The following EIF4G3 variants were observed in gnomAD, a reference collection of about 807,000 sequenced individuals.
EIF4G3 encodes eIF-4-gamma 3.
In EIF4G3, 34 loss-of-function variants were observed where a neutral mutation model predicts 186.4. The observed-to-expected ratio is 0.18, with a 90% CI of 0.14 to 0.24. The LOEUF is 0.24. Ranked by LOEUF, EIF4G3 falls within the 10% of genes least tolerant of loss-of-function variation. EIF4G3 has a pLI of 1.00. For synonymous variants in EIF4G3, 673 were observed against 679.5 expected (o/e 0.99, Z 0.15); for missense variants, 1,536 against 1,948.5 (o/e 0.79, Z 3.99).
intron 14 of EIF4G3, among the ~76,000 whole-genome samples, chr1:20,934,561 C>T (rs1006411293): frequency 1.3e-5 from 2 of 152,088 alleles, no homozygotes; most frequent in Non-Finnish European, 2.9e-5. Flanking sequence ...GAGACGAGGT[C>T]ATGTGCTGCA....
At chr1:20,979,791 A>T (rs969664859) in intron 10 of EIF4G3, among the ~76,000 whole-genome samples, 1 of 149,692 alleles carries the variant, frequency 6.7e-6, no homozygotes, top group Non-Finnish European at 1.5e-5. Flanking sequence ...TCGCTCTGTC[A>T]CCCAGGCTGA....
Position 21,024,638 on chromosome 1 carries a change from A to C in EIF4G3, c.-66-21830T>G, listed in dbSNP as rs559266110. ...ACATGTGCTGTGTCCACTCAGGGTT[A>C]AATGGATTAAGGGCGGTGCAAGATG... On this transcript the variant is annotated intron_variant, in intron 4 of 36. Transcript: ENST00000602326. Among the ~76,000 whole-genome samples the C allele has an allele frequency of 4.8e-3, 715 of 150,526 alleles. 9 individuals are homozygous for C. Among genetic ancestry groups the C allele is most frequent in the African/African-American group, 0.017 (693 of 40,910 alleles).
intron 2 of EIF4G3, among the ~76,000 whole-genome samples, chr1:21,171,539 C>G (rs1266802383): frequency 6.6e-6 from 1 of 152,196 alleles, no homozygotes; most frequent in Admixed American, 6.5e-5. Context: ...GAGCAAACTG[C>G]TGCTTTGCCT....
chr1:21,119,350 G>C (rs2096886229), intron 2 of EIF4G3, among the ~76,000 whole-genome samples: 1 of 151,838 alleles, frequency 6.6e-6, no homozygotes, highest in South Asian at 2.1e-4. Flanking sequence ...GAGAAATAAA[G>C]TAACCTATTG....
At chr1:21,159,334 G>C (rs907725915) in intron 2 of EIF4G3, among the ~76,000 whole-genome samples, 3 of 151,916 alleles carry the variant, frequency 2.0e-5, no homozygotes, top group African/African-American at 4.8e-5. Flanking sequence ...CAGCTACTTA[G>C]GAGGCTAAAA....
At chr1:21,156,266 C>T (rs890933071) in intron 2 of EIF4G3, among the ~76,000 whole-genome samples, 1 of 152,146 alleles carries the variant, frequency 6.6e-6, no homozygotes, top group African/African-American at 2.4e-5. Context: ...GGTTGTGCTG[C>T]GTTGATCCTC....
chr1:21,009,490 C>T (rs887594188), intron 4 of EIF4G3, among the ~76,000 whole-genome samples: 2 of 151,926 alleles, frequency 1.3e-5, no homozygotes, highest in South Asian at 4.1e-4. Flanking sequence ...CCCGTTCATT[C>T]TCATTAGTAG....
intron 14 of EIF4G3, among the ~76,000 whole-genome samples, chr1:20,933,428 G>A (rs575989392): frequency 7.2e-5 from 11 of 152,184 alleles, no homozygotes; most frequent in South Asian, 2.1e-4. Flanking sequence ...AGGCTGAGCC[G>A]GGTGGATCAC....
Position 21,101,148 on chromosome 1 carries a change from C to T in EIF4G3, c.-271-11935G>A, listed in dbSNP as rs111506016. Reference sequence around the variant, plus strand: ...GATCAAAGTTTAACGGTAAAAATAACTTCACAAAGTGAAAAATCATGGTTA... The same window carrying T: ...GATCAAAGTTTAACGGTAAAAATAATTTCACAAAGTGAAAAATCATGGTTA... On this transcript the variant is annotated intron_variant, in intron 2 of 36. Coordinates refer to ENST00000602326, the MANE Select transcript of EIF4G3 (RefSeq NM_001391906.1). Among the ~76,000 whole-genome samples, 480 of 152,252 alleles carry T rather than the reference C, an allele frequency of 3.2e-3. 5 individuals are homozygous for T. The highest frequency in any genetic ancestry group is 0.011 in the African/African-American group (451 of 41,570).
chr1:20,819,885 G>A (rs1278141570), intron 33 of EIF4G3, among the ~76,000 whole-genome samples: 1 of 152,134 alleles, frequency 6.6e-6, no homozygotes, highest in Non-Finnish European at 1.5e-5. Context: ...GAGTGGAGAA[G>A]GAGGAAAGAG....
intron 7 of EIF4G3, among the ~76,000 whole-genome samples, chr1:20,986,434 G>C (rs2079481497): frequency 6.6e-6 from 1 of 152,066 alleles, no homozygotes; most frequent in African/African-American, 2.4e-5. Context: ...AGCTCATATA[G>C]AGGATTTTGT....
chr1:20,898,919 G>A (rs949319313), intron 16 of EIF4G3, among the ~76,000 whole-genome samples: 7 of 152,046 alleles, frequency 4.6e-5, no homozygotes, highest in South Asian at 2.1e-4. Context: ...TAGTCGAGAC[G>A]GGGTTTCTCC....
At chr1:21,054,148 TC>T (rs1276401505) in intron 3 of EIF4G3, among the ~76,000 whole-genome samples, 1 of 151,822 alleles carries the variant, frequency 6.6e-6, no homozygotes, top group African/African-American at 2.4e-5. Flanking sequence ...TGCCTTGGGA[TC>T]CTGTTGATCT....
At chr1:21,141,201 C>T (rs966060995) in intron 2 of EIF4G3, among the ~76,000 whole-genome samples, 1 of 152,032 alleles carries the variant, frequency 6.6e-6, no homozygotes, top group African/African-American at 2.4e-5. Flanking sequence ...ACTACATAAA[C>T]GAAGAGGTGT....
At chr1:20,902,697 C>A (rs1205863939) in intron 15 of EIF4G3, among the ~76,000 whole-genome samples, 26 of 152,142 alleles carry the variant, frequency 1.7e-4, no homozygotes, top group Admixed American at 1.7e-3. Flanking sequence ...CTGGAGTGCA[C>A]TGGCACAATC....
At chr1:20,938,552 T>C (rs1039351037) in intron 14 of EIF4G3, among the ~76,000 whole-genome samples, 18 of 152,198 alleles carry the variant, frequency 1.2e-4, no homozygotes, top group Non-Finnish European at 1.8e-4. Context: ...AACCAGACTG[T>C]TTTGGTGTTA....
chr1:20,830,732 C>A (rs1015991550), intron 30 of EIF4G3, among the ~76,000 whole-genome samples: 3 of 152,060 alleles, frequency 2.0e-5, no homozygotes, highest in African/African-American at 4.8e-5. Flanking sequence ...GTTTTTTATG[C>A]CTTGATCAGT....
chr1:21,024,121 G>T (rs1374536775), intron 4 of EIF4G3, among the ~76,000 whole-genome samples: 1 of 151,830 alleles, frequency 6.6e-6, no homozygotes, highest in African/African-American at 2.4e-5. Context: ...CATCTGGGAA[G>T]TGAGGAGCGT....
At chr1:20,973,147 C>A in intron 10 of EIF4G3, 48 bp from the exon 11 acceptor site, 1 of 1,359,180 alleles carries the variant, frequency 7.4e-7, no homozygotes, top group Non-Finnish European at 1.0e-6. Flanking sequence ...TTTTGTCAAA[C>A]ACTACAGAAC....
Sources: gnomAD v4.1 joint callset for allele counts (sites outside exome capture counted in the v4.1 genomes callset) on GRCh38, gnomAD v4.1.1 for gene constraint, MANE v1.5 for transcripts, NCBI Gene and HGNC (gene_info 2026-07-23, HGNC 2026-07-21) for gene names.